CFAP52: variants seen among roughly 807,000 people sequenced by gnomAD.
CFAP52 encodes the protein cilia- and flagella-associated protein 52.
In CFAP52, 57 loss-of-function variants were observed where a neutral mutation model predicts 70.5. That is an observed-to-expected ratio of 0.81 (90% CI 0.65 to 1.01). The LOEUF (loss-of-function observed/expected upper bound fraction) is 1.01, where lower values mean the gene tolerates loss of function less well. CFAP52 is among the 50% of genes least tolerant of loss of function. The probability of loss-of-function intolerance (pLI) is 0.00; values close to 1 mark genes in which losing one functional copy is unlikely to be tolerated. For synonymous variants in CFAP52, 267 were observed against 292.5 expected (o/e 0.91, Z 0.89); for missense variants, 785 against 788.5 (o/e 1.00, Z 0.05).
chr17:9,577,334 G>A (rs772215485), intron 1 of CFAP52, among the ~76,000 whole-genome samples: 2 of 152,206 alleles, frequency 1.3e-5, no homozygotes, highest in Non-Finnish European at 2.9e-5. Flanking sequence ...AGGACAGAAG[G>A]GGAAGGGGAC....
chr17:9,603,727 G>C (rs74351852), intron 6 of CFAP52, among the ~76,000 whole-genome samples: 1,574 of 152,298 alleles, frequency 0.01, 33 homozygotes, highest in African/African-American at 0.036. Flanking sequence ...GGGTAATATA[G>C]ATGATGTAGA....
rs112783393 is a variant in CFAP52, at chr17:9,643,107, C to T, written c.1772C>T (p.Thr591Ile). 735 of 1,613,818 alleles carry T rather than the reference C, an allele frequency of 4.6e-4. 2 individuals are homozygous for T. The African/African-American group carries it at 8.7e-3, about 19-fold the overall frequency. The change falls in exon 14 of 14, where the codon ACA becomes ATA. Residue 591 changes from threonine (T) to isoleucine (I), a missense_variant. Thr to Ile is a moderately conservative substitution (Grantham distance 89). Coordinates refer to ENST00000352665, the MANE Select transcript of CFAP52 (RefSeq NM_145054.5). ...GGGGTGGGACACAGTGGCAACATCA[C>T]ACGCATCCGCATAAGTCCAGGAAAT... ...HVGVGHSGNI[T>I]RIRISPGNQY... is the part of the protein sequence containing the mutation.
intron 1 of CFAP52, among the ~76,000 whole-genome samples, chr17:9,585,541 G>C (rs893971035): frequency 2.1e-4 from 32 of 151,962 alleles, no homozygotes; most frequent in Non-Finnish European, 4.0e-4. Context: ...TGTGGTGGCG[G>C]GTGCCTGTAA....
chr17:9,585,693 T>C, intron 1 of CFAP52, 80 bp from the exon 2 acceptor site: 2 of 1,303,928 alleles, frequency 1.5e-6, no homozygotes, highest in South Asian at 2.5e-5. Context: ...ACACACAAAG[T>C]GTTGTGTTTT....
chr17:9,585,103 G>A (rs1908394098), intron 1 of CFAP52, among the ~76,000 whole-genome samples: 1 of 152,146 alleles, frequency 6.6e-6, no homozygotes, highest in African/African-American at 2.4e-5. Flanking sequence ...CACCCAAGCA[G>A]GCTGCTCACA....
At position 9,639,403 on chromosome 17, in the gene CFAP52, T is replaced by A. The variant is rs138715665; in HGVS notation, c.1575+692T>A. ...CCAAGATTGCACCACTGCACTCCAG[T>A]CTGGGTGACAGAGCAAGACTCTCTC... On this transcript the variant is annotated intron_variant, in intron 12 of 13. Transcript: ENST00000352665. 3.1e-3 allele frequency among the ~76,000 whole-genome samples: 464 copies of A among 151,050 alleles called. 7 individuals are homozygous for A. The highest frequency in any genetic ancestry group is 6.6e-3 in the East Asian group (34 of 5,124).
rs752505017 is a variant in CFAP52, at chr17:9,643,109, C to T, written c.1774C>T (p.Arg592Cys). The T allele has an allele frequency of 2.2e-5, 36 of 1,613,698 alleles. No homozygotes were observed. Among genetic ancestry groups the T allele is most frequent in the East Asian group, 6.7e-5 (3 of 44,882 alleles). ...VGVGHSGNIT[R>C]IRISPGNQYI... ...GGTGGGACACAGTGGCAACATCACA[C>T]GCATCCGCATAAGTCCAGGAAATCA... The change falls in exon 14 of 14, where the codon CGC (arginine) becomes TGC (cysteine). Residue 592 changes from arginine (R) to cysteine (C), a missense_variant. Physicochemically the swap from Arg to Cys is radical, Grantham distance 180. Transcript: ENST00000352665.
chr17:9,599,430 C>T (rs1434571063), intron 5 of CFAP52, among the ~76,000 whole-genome samples: 1 of 152,158 alleles, frequency 6.6e-6, no homozygotes, highest in Non-Finnish European at 1.5e-5. Flanking sequence ...GAGGGGCACA[C>T]CTTTATCCTA....
chr17:9,609,442 C>T (rs1279994244), intron 7 of CFAP52, among the ~76,000 whole-genome samples: 2 of 152,190 alleles, frequency 1.3e-5, no homozygotes, highest in Non-Finnish European at 1.5e-5. Flanking sequence ...CGCCTGCAAT[C>T]CCAGCTCTTT....
intron 6 of CFAP52, among the ~76,000 whole-genome samples, chr17:9,605,127 A>G (rs1909433399): frequency 6.6e-6 from 1 of 152,220 alleles, no homozygotes; most frequent in Admixed American, 6.5e-5. Context: ...TTATGTTCAC[A>G]CGAGAACCTG....
Position 9,632,881 on chromosome 17 carries a change from A to G in CFAP52, c.1175-7A>G. 6.2e-7 allele frequency: 1 copy of G among 1,613,726 alleles called. No homozygotes were observed. Among genetic ancestry groups the G allele is most frequent in the Non-Finnish European group, 8.5e-7 (1 of 1,179,712 alleles). On this transcript the variant is annotated splice_polypyrimidine_tract_variant and splice_region_variant and intron_variant, in intron 9 of 13. Coordinates refer to ENST00000352665, the MANE Select transcript of CFAP52 (RefSeq NM_145054.5). Reference sequence around the variant, plus strand: ...CCTGCCTGCCTTTTGTTTCCCTTTCATGCCAGCATGGAACGACGGTAAAAT... The same window carrying G: ...CCTGCCTGCCTTTTGTTTCCCTTTCGTGCCAGCATGGAACGACGGTAAAAT...
intron 1 of CFAP52, among the ~76,000 whole-genome samples, chr17:9,585,047 C>T (rs1426896522): frequency 6.6e-6 from 1 of 152,122 alleles, no homozygotes; most frequent in Non-Finnish European, 1.5e-5. Flanking sequence ...TTTACCCAAC[C>T]TTTGCCTGAG....
intron 3 of CFAP52, among the ~76,000 whole-genome samples, chr17:9,591,853 G>A (rs1023917085): frequency 2.0e-5 from 3 of 152,048 alleles, no homozygotes; most frequent in East Asian, 3.9e-4. Flanking sequence ...ACTCCAGCTG[G>A]GGCAACAGAG....
Position 9,590,182 on chromosome 17 carries a change from C to T in CFAP52, c.407+3348C>T, listed in dbSNP as rs78005280. 61 of 183,272 alleles carry T rather than the reference C, an allele frequency of 3.3e-4. No individual in the cohort carries two copies. In the East Asian group the frequency reaches 6.3e-3, roughly 19 times the overall value. 11.4% of individuals were successfully genotyped at this position (183,272 alleles called of 1,614,324 possible). On this transcript the variant is annotated intron_variant, in intron 3 of 13. Transcript: ENST00000352665. ...TCCATGGTATCTTCAGAGCAGGTGG[C>T]GCAGAATCCTCATTCTCCTCATCCA...
At chr17:9,616,448 G>C (rs1364073765) in intron 8 of CFAP52, among the ~76,000 whole-genome samples, 233 of 133,992 alleles carry the variant, frequency 1.7e-3, no homozygotes, top group African/African-American at 6.6e-3. Context: ...GCCCAGGCTT[G>C]CTTAGGTAAA....
chr17:9,586,429 G>C (rs1412825529), intron 2 of CFAP52, among the ~76,000 whole-genome samples: 1 of 152,004 alleles, frequency 6.6e-6, no homozygotes, highest in Non-Finnish European at 1.5e-5. Context: ...AGGGCGTGCT[G>C]GTGCATGCCT....
chr17:9,602,723 C>T (rs1481048214), intron 6 of CFAP52, among the ~76,000 whole-genome samples: 2 of 152,202 alleles, frequency 1.3e-5, no homozygotes, highest in Admixed American at 1.3e-4. Flanking sequence ...CTAATTTACA[C>T]TCCCACCAAC....
At chr17:9,622,824 A>AC (rs1648961549) in intron 8 of CFAP52, among the ~76,000 whole-genome samples, 1 of 152,168 alleles carries the variant, frequency 6.6e-6, no homozygotes, top group African/African-American at 2.4e-5. Flanking sequence ...TCCCCCAAAC[A>AC]CCCCTTCCAA....
chr17:9,626,095 A>G (rs1365464446), intron 8 of CFAP52, among the ~76,000 whole-genome samples: 1 of 152,132 alleles, frequency 6.6e-6, no homozygotes, highest in Admixed American at 6.6e-5. Flanking sequence ...TCATGATCCA[A>G]TCAATTGGGT....
Sources: allele counts gnomAD v4.1 joint callset (sites outside exome capture counted in the v4.1 genomes callset), GRCh38; gene constraint gnomAD v4.1.1; transcripts MANE v1.5; gene names NCBI Gene and HGNC (gene_info 2026-07-23, HGNC 2026-07-21).